The following NTM variants were observed in gnomAD, a reference collection of about 807,000 sequenced individuals.
The protein encoded by NTM is IgLON family member 2.
NTM carries 13 observed loss-of-function variants against 42.1 expected under a neutral mutation model. The ratio of observed to expected loss-of-function variants is 0.31; its 90% CI spans 0.20 to 0.49. NTM has a LOEUF of 0.49. Ranked by LOEUF, NTM falls within the 20% of genes least tolerant of loss-of-function variation. The probability of loss-of-function intolerance (pLI) is 0.99; values close to 1 mark genes in which losing one functional copy is unlikely to be tolerated. For missense variants in NTM, 373 were observed against 452.8 expected, an observed-to-expected ratio of 0.82 and a Z score of 1.60; for synonymous variants, 187 against 179.2, an observed-to-expected ratio of 1.04 and a Z score of -0.35.
Position 132,276,800 on chromosome 11 carries a change from G to A in NTM, c.527-30889G>A, listed in dbSNP as rs372425490. ...ATATGGGTTCCTGCAGCCTCTACCT[G>A]TGCCTTTATCCCTTACGATTCAGCA... is the stretch of plus-strand genomic sequence containing the variant. On this transcript the variant is annotated intron_variant, in intron 4 of 8. Coordinates refer to ENST00000683400, the MANE Select transcript of NTM (RefSeq NM_001352005.2). Among the ~76,000 whole-genome samples, 62 of 152,146 alleles carry A rather than the reference G, an allele frequency of 4.1e-4. No homozygotes were observed. The South Asian group carries it at 0.013, about 32-fold the overall frequency.
intron 1 of NTM, among the ~76,000 whole-genome samples, chr11:131,546,383 C>T (rs914005550): frequency 6.6e-6 from 1 of 152,202 alleles, no homozygotes; most frequent in East Asian, 1.9e-4. Flanking sequence ...TCCACTCTAT[C>T]CCTGGCCACT....
At chr11:131,597,718 A>G (rs923354235) in intron 1 of NTM, among the ~76,000 whole-genome samples, 2 of 152,222 alleles carry the variant, frequency 1.3e-5, no homozygotes, top group African/African-American at 4.8e-5. Context: ...AAGCAAATGG[A>G]GAGAACATTC....
intron 1 of NTM, among the ~76,000 whole-genome samples, chr11:131,515,600 C>A (rs1011852301): frequency 6.6e-6 from 1 of 152,176 alleles, no homozygotes; most frequent in Non-Finnish European, 1.5e-5. Flanking sequence ...TTGTAAAGAT[C>A]GTTTTCTGCT....
chr11:131,583,414 A>C (rs1184429509), intron 1 of NTM, among the ~76,000 whole-genome samples: 1 of 152,224 alleles, frequency 6.6e-6, no homozygotes, highest in Non-Finnish European at 1.5e-5. Context: ...TAAAATATTA[A>C]GAGAAAATGT....
At chr11:131,748,746 G>C (rs1171091977) in intron 1 of NTM, among the ~76,000 whole-genome samples, 2 of 152,110 alleles carry the variant, frequency 1.3e-5, no homozygotes, top group African/African-American at 4.8e-5. Flanking sequence ...TTTCAGAATG[G>C]CTCTCCTCTG....
At chr11:131,718,240 A>C (rs929652608) in intron 1 of NTM, among the ~76,000 whole-genome samples, 2 of 152,160 alleles carry the variant, frequency 1.3e-5, no homozygotes, top group Non-Finnish European at 2.9e-5. Flanking sequence ...ATTGGGAATT[A>C]TTCCTTCCTC....
chr11:131,801,026 G>T (rs922380242), intron 1 of NTM, among the ~76,000 whole-genome samples: 23 of 152,242 alleles, frequency 1.5e-4, no homozygotes, highest in African/African-American at 5.5e-4. Context: ...AGATGTTGGG[G>T]CATTTGGGGC....
intron 2 of NTM, among the ~76,000 whole-genome samples, chr11:131,919,728 TTCTC>T (rs925942029): frequency 1.0e-5 from 1 of 98,420 alleles, no homozygotes; most frequent in East Asian, 3.8e-4. Flanking sequence ...ATAACTTTCT[TTCTC>T]TATATATGAA....
chr11:132,268,170 T>G (rs2093304012), intron 4 of NTM, among the ~76,000 whole-genome samples: 2 of 152,194 alleles, frequency 1.3e-5, no homozygotes, highest in African/African-American at 4.8e-5. Flanking sequence ...ATGTAAAACT[T>G]TCTCCTTACA....
At chr11:132,328,974 G>A (rs1425586173) in intron 7 of NTM, among the ~76,000 whole-genome samples, 5 of 152,102 alleles carry the variant, frequency 3.3e-5, no homozygotes, top group Admixed American at 2.0e-4. Context: ...TTTGATCGTC[G>A]ATAAACCCTT....
chr11:132,328,583 G>A (rs889877859), intron 7 of NTM, among the ~76,000 whole-genome samples: 2 of 152,060 alleles, frequency 1.3e-5, no homozygotes, highest in African/African-American at 4.8e-5. Context: ...GCCAGGTGAA[G>A]GCTCTTCCTG....
intron 1 of NTM, among the ~76,000 whole-genome samples, chr11:131,858,772 A>G (rs2046348380): frequency 1.3e-5 from 2 of 152,216 alleles, no homozygotes; most frequent in African/African-American, 4.8e-5. Flanking sequence ...GTGAAAGACT[A>G]GCACATAATC....
At chr11:131,928,130 T>C (rs767281894) in intron 2 of NTM, among the ~76,000 whole-genome samples, 1 of 152,026 alleles carries the variant, frequency 6.6e-6, no homozygotes, top group Non-Finnish European at 1.5e-5. Flanking sequence ...ATATTAATAA[T>C]AACAACAGAA....
In NTM at chr11:131,767,130, C is replaced by G. The variant is rs919878482; in HGVS notation, c.83-144434C>G. 1.0e-5 allele frequency: 10 copies of G among 982,606 alleles called. No individual in the cohort carries two copies. In the African/African-American group the frequency reaches 1.7e-4, roughly 17 times the overall value. 60.9% of individuals were successfully genotyped at this position (982,606 alleles called of 1,614,324 possible). A position where few individuals can be genotyped will look rare whatever the true frequency, so the allele number is the denominator to read the frequency against. ...CAGTAAGTAAGTCTCATGTAAGGATCAACAGTTCAGGCTCCAGATTCCCGA... is the reference window on the plus strand; with the variant it reads ...CAGTAAGTAAGTCTCATGTAAGGATGAACAGTTCAGGCTCCAGATTCCCGA... On this transcript the variant is annotated intron_variant, in intron 1 of 8. Coordinates refer to ENST00000683400, the MANE Select transcript of NTM (RefSeq NM_001352005.2).
intron 1 of NTM, among the ~76,000 whole-genome samples, chr11:131,443,514 T>C (rs1168331322): frequency 6.6e-6 from 1 of 152,166 alleles, no homozygotes; most frequent in Non-Finnish European, 1.5e-5. Context: ...TCAAGGGAGA[T>C]GCCCAAGGCT....
At chr11:131,806,395 T>C (rs1213481218) in intron 1 of NTM, among the ~76,000 whole-genome samples, 1 of 152,206 alleles carries the variant, frequency 6.6e-6, no homozygotes, top group Non-Finnish European at 1.5e-5. Context: ...AATGTTGATA[T>C]GAAAAGCTCA....
At chr11:131,775,256 G>T (rs1025749230) in intron 1 of NTM, among the ~76,000 whole-genome samples, 1 of 152,154 alleles carries the variant, frequency 6.6e-6, no homozygotes, top group African/African-American at 2.4e-5. Context: ...TCTGTGCTTG[G>T]TGCCTTTATT....
chr11:132,122,407 C>G (rs2064990375), intron 2 of NTM, among the ~76,000 whole-genome samples: 1 of 152,148 alleles, frequency 6.6e-6, no homozygotes, highest in African/African-American at 2.4e-5. Flanking sequence ...ATCGGCCTCC[C>G]CTGGGGCTGT....
rs187627687 is a variant in NTM, at chr11:131,829,385, T to C, written c.83-82179T>C. 1.1e-3 allele frequency among the ~76,000 whole-genome samples: 167 copies of C among 152,284 alleles called. 1 individual carries two copies. The highest frequency in any genetic ancestry group is 3.9e-3 in the African/African-American group (162 of 41,552). ...CTCCAGTGTCTATTGTTCCCATCTTTATGTCCATGAGTACCCAATGTTTAG... is the reference window on the plus strand; with the variant it reads ...CTCCAGTGTCTATTGTTCCCATCTTCATGTCCATGAGTACCCAATGTTTAG... On this transcript the variant is annotated intron_variant, in intron 1 of 8. Coordinates refer to ENST00000683400, the MANE Select transcript of NTM (RefSeq NM_001352005.2).
Sources: allele counts gnomAD v4.1 joint callset (sites outside exome capture counted in the v4.1 genomes callset), GRCh38; gene constraint gnomAD v4.1.1; transcripts MANE v1.5; gene names NCBI Gene and HGNC (gene_info 2026-07-23, HGNC 2026-07-21).